Variants in MIR2052HG observed in about 807,000 individuals in gnomAD.
The protein encoded by MIR2052HG is MIR2052 host gene.
intron 2 of MIR2052HG, among the ~76,000 whole-genome samples, chr8:74,675,528 A>G (rs188372862): frequency 1.3e-5 from 2 of 152,110 alleles, no homozygotes; most frequent in African/African-American, 4.8e-5. Flanking sequence ...CCTGGAACCA[A>G]TCCCTGAAGA....
At chr8:74,627,129 G>C (rs945776740) in intron 2 of MIR2052HG, among the ~76,000 whole-genome samples, 2 of 152,118 alleles carry the variant, frequency 1.3e-5, no homozygotes, top group African/African-American at 4.8e-5. Context: ...AGGCCATCTA[G>C]AAAAATCCTC....
rs1057424530 is a variant in MIR2052HG, at chr8:74,670,869, T to C, written n.217-31510T>C. 6.6e-5 allele frequency among the ~76,000 whole-genome samples: 10 copies of C among 151,960 alleles called. No homozygotes were observed. In the South Asian group the frequency reaches 1.0e-3, roughly 16 times the overall value. On this transcript the variant is annotated intron_variant and non_coding_transcript_variant, in intron 2 of 6. Coordinates refer to ENST00000523442, the Ensembl canonical transcript of MIR2052HG. ...TTTTAAATAAACGATTTCTTTCTCT[T>C]TTTTTTTCTTCTTCTCCTTTTTCTT...
chr8:74,734,307 C>G (rs1190911628), intron 4 of MIR2052HG, among the ~76,000 whole-genome samples: 1 of 152,192 alleles, frequency 6.6e-6, no homozygotes, highest in East Asian at 1.9e-4. Flanking sequence ...AGGTATCAGT[C>G]TGCTAAAACT....
chr8:74,702,785 A>G (rs1023000745), intron 3 of MIR2052HG, among the ~76,000 whole-genome samples: 1 of 152,134 alleles, frequency 6.6e-6, no homozygotes, highest in Non-Finnish European at 1.5e-5. Context: ...AATCTGGATT[A>G]AAACATGGCC....
intron 2 of MIR2052HG, among the ~76,000 whole-genome samples, chr8:74,620,753 T>C (rs150167924): frequency 0.063 from 9,637 of 152,296 alleles, 374 homozygotes; most frequent in South Asian, 0.093. Flanking sequence ...TGGCCTGTGA[T>C]GGGAAGGGCT....
chr8:74,684,861 G>A (rs546325690), intron 2 of MIR2052HG, among the ~76,000 whole-genome samples: 190 of 152,222 alleles, frequency 1.2e-3, no homozygotes, highest in African/African-American at 4.5e-3. Flanking sequence ...TGCTGACAAT[G>A]GATTGGAGGG....
intron 2 of MIR2052HG, among the ~76,000 whole-genome samples, chr8:74,651,272 G>A (rs1048423790): frequency 1.2e-4 from 18 of 151,876 alleles, no homozygotes; most frequent in African/African-American, 4.3e-4. Context: ...GACAATTTTT[G>A]AATATTGTCA....
chr8:74,652,836 G>A (rs1201949947), intron 2 of MIR2052HG, among the ~76,000 whole-genome samples: 1 of 152,152 alleles, frequency 6.6e-6, no homozygotes, highest in Non-Finnish European at 1.5e-5. Context: ...GGAGTGAGCA[G>A]AAGAAACTAA....
intron 2 of MIR2052HG, among the ~76,000 whole-genome samples, chr8:74,696,276 G>A (rs1040724433): frequency 5.3e-5 from 8 of 151,992 alleles, no homozygotes; most frequent in African/African-American, 1.4e-4. Flanking sequence ...TGAACTGAAC[G>A]ATAATAGTGA....
chr8:74,621,271 G>A (rs1282933308), intron 2 of MIR2052HG, among the ~76,000 whole-genome samples: 1 of 151,990 alleles, frequency 6.6e-6, no homozygotes, highest in East Asian at 1.9e-4. Flanking sequence ...CTTCTTCTGA[G>A]TCCTCCAAAC....
chr8:74,673,205 T>C (rs868863129), intron 2 of MIR2052HG, among the ~76,000 whole-genome samples: 2 of 152,100 alleles, frequency 1.3e-5, no homozygotes, highest in African/African-American at 4.8e-5. Flanking sequence ...ACCCAGGCTT[T>C]CCAGCTGAAA....
intron 2 of MIR2052HG, among the ~76,000 whole-genome samples, chr8:74,642,427 ATTG>A (rs1202870306): frequency 2.6e-5 from 4 of 152,142 alleles, no homozygotes; most frequent in Non-Finnish European, 4.4e-5. Flanking sequence ...AGTGCCAGGA[ATTG>A]TTGTAGATGC....
At chr8:74,656,114 T>C (rs1482542539) in intron 2 of MIR2052HG, among the ~76,000 whole-genome samples, 1 of 152,178 alleles carries the variant, frequency 6.6e-6, no homozygotes, top group African/African-American at 2.4e-5. Flanking sequence ...GATACCTGTA[T>C]CTTCATTGTA....
rs75253810 is a variant in MIR2052HG, at chr8:74,700,290, G to A, written n.217-2089G>A. Among the ~76,000 whole-genome samples the A allele has an allele frequency of 8.7e-3, 1,328 of 152,270 alleles. 10 individuals carry two copies. Among genetic ancestry groups the A allele is most frequent in the Non-Finnish European group, 0.015 (1,017 of 68,018 alleles). ...CTTATCAGCAAAGTATGCTGCTACA[G>A]ACATATAAGGTATACATAACTAAAT... On this transcript the variant is annotated intron_variant and non_coding_transcript_variant, in intron 2 of 6. Coordinates refer to ENST00000523442, the Ensembl canonical transcript of MIR2052HG.
At chr8:74,638,441 G>A (rs1412562697) in intron 2 of MIR2052HG, among the ~76,000 whole-genome samples, 1 of 152,136 alleles carries the variant, frequency 6.6e-6, no homozygotes, top group Non-Finnish European at 1.5e-5. Flanking sequence ...CATACAGGCT[G>A]CAGGATGGAG....
intron 5 of MIR2052HG, among the ~76,000 whole-genome samples, chr8:74,755,235 C>T (rs1414517394): frequency 6.6e-6 from 1 of 152,192 alleles, no homozygotes; most frequent in East Asian, 1.9e-4. Context: ...TTGGTCTTTA[C>T]AGTGACGTTT....
intron 4 of MIR2052HG, among the ~76,000 whole-genome samples, chr8:74,717,434 C>G (rs1303740762): frequency 6.6e-6 from 1 of 152,100 alleles, no homozygotes; most frequent in African/African-American, 2.4e-5. Flanking sequence ...GGTTCCATGT[C>G]TTTGCTATTG....
chr8:74,660,403 A>G (rs1450560561), intron 2 of MIR2052HG, among the ~76,000 whole-genome samples: 1 of 152,172 alleles, frequency 6.6e-6, no homozygotes, highest in African/African-American at 2.4e-5. Flanking sequence ...ATCTGGTGCA[A>G]TCATCTGTGG....
intron 2 of MIR2052HG, among the ~76,000 whole-genome samples, chr8:74,615,832 A>G (rs1479439436): frequency 1.3e-5 from 2 of 151,702 alleles, no homozygotes; most frequent in Non-Finnish European, 2.9e-5. Context: ...TCATTGTTCG[A>G]TTCTCACCTA....
Sources: gnomAD v4.1 joint callset for allele counts (sites outside exome capture counted in the v4.1 genomes callset) on GRCh38, gnomAD v4.1.1 for gene constraint, MANE v1.5 for transcripts, NCBI Gene and HGNC (gene_info 2026-07-23, HGNC 2026-07-21) for gene names.